The following SCAND3 variants were observed in gnomAD, a reference collection of about 807,000 sequenced individuals.
SCAND3 encodes the protein SCAN domain containing 3.
chr6:28,607,044 C>G, the SCAND3 span, among the ~76,000 whole-genome samples: 1 of 152,242 alleles, frequency 6.6e-6, no homozygotes, highest in Non-Finnish European at 1.5e-5. Flanking sequence ...CCCAGCCTAG[C>G]TGTTTCACAA....
chr6:28,599,153 A>G, the SCAND3 span, among the ~76,000 whole-genome samples: 1 of 152,226 alleles, frequency 6.6e-6, no homozygotes, highest in Non-Finnish European at 1.5e-5. Flanking sequence ...TGACTGAAGC[A>G]ATCAAAGAGA....
chr6:28,599,855 CAA>C, the SCAND3 span, among the ~76,000 whole-genome samples: 1 of 151,634 alleles, frequency 6.6e-6, no homozygotes, highest in African/African-American at 2.4e-5. Context: ...TTACCTTTGA[CAA>C]GAGAGCAAAG....
chr6:28,571,870 A>G, the SCAND3 span: 1 of 1,593,484 alleles, frequency 6.3e-7, no homozygotes, highest in Non-Finnish European at 8.5e-7. Flanking sequence ...GCTTATATGC[A>G]TACTTTGAAC....
chr6:28,610,128 G>A, the SCAND3 span, among the ~76,000 whole-genome samples: 6,203 of 152,232 alleles, frequency 0.041, 187 homozygotes, highest in Non-Finnish European at 0.063. Context: ...GGAGGCTGAG[G>A]TACAAGAATG....
chr6:28,602,553 C>T, the SCAND3 span, among the ~76,000 whole-genome samples: 7 of 152,218 alleles, frequency 4.6e-5, no homozygotes, highest in Non-Finnish European at 1.0e-4. Context: ...ATAATGACCT[C>T]TCTTTCTTCT....
the SCAND3 span, among the ~76,000 whole-genome samples, chr6:28,576,905 C>T: frequency 1.3e-4 from 10 of 78,144 alleles, no homozygotes; most frequent in African/African-American, 2.2e-4. Context: ...CCACCACACC[C>T]GGTCTCAGAC....
chr6:28,608,835 T>C, the SCAND3 span, among the ~76,000 whole-genome samples: 1 of 151,268 alleles, frequency 6.6e-6, no homozygotes, highest in African/African-American at 2.4e-5. Context: ...GATGTCTCTT[T>C]TAAATTAGCA....
chr6:28,573,559 T>G, the SCAND3 span: 1 of 1,613,356 alleles, frequency 6.2e-7, no homozygotes, highest in Non-Finnish European at 8.5e-7. Flanking sequence ...TAAATGTCGC[T>G]TAAGTTTTGA....
the SCAND3 span, among the ~76,000 whole-genome samples, chr6:28,598,529 G>A: frequency 6.6e-6 from 1 of 151,924 alleles, no homozygotes; most frequent in Admixed American, 6.6e-5. Flanking sequence ...TGGGTTAGAG[G>A]ACTAAAGATT....
the SCAND3 span, among the ~76,000 whole-genome samples, chr6:28,576,979 C>T: frequency 6.6e-6 from 1 of 151,932 alleles, no homozygotes; most frequent in Non-Finnish European, 1.5e-5. Flanking sequence ...CCACACTACA[C>T]ATTTTCTCTT....
At chr6:28,573,709 T>C in the SCAND3 span, 11 of 1,609,680 alleles carry the variant, frequency 6.8e-6, no homozygotes, top group East Asian at 2.5e-4. Flanking sequence ...ATGAACTCTT[T>C]TGGTTTTCCC....
chr6:28,596,751 T>C, the SCAND3 span, among the ~76,000 whole-genome samples: 5 of 152,204 alleles, frequency 3.3e-5, no homozygotes, highest in Non-Finnish European at 7.3e-5. Flanking sequence ...GAGTATATTT[T>C]TCAGCTTTGT....
chr6:28,606,859 G>A, the SCAND3 span, among the ~76,000 whole-genome samples: 3 of 152,162 alleles, frequency 2.0e-5, no homozygotes, highest in Admixed American at 6.5e-5. Context: ...CTTCAAACAC[G>A]TAGGTCTCAG....
the SCAND3 span, among the ~76,000 whole-genome samples, chr6:28,605,504 C>T: frequency 1.3e-5 from 2 of 151,876 alleles, no homozygotes; most frequent in South Asian, 2.1e-4. Context: ...CCTAGTCATG[C>T]GAAAGTATCA....
chr6:28,598,758 T>A, the SCAND3 span, among the ~76,000 whole-genome samples: 16 of 149,278 alleles, frequency 1.1e-4, no homozygotes, highest in Non-Finnish European at 3.0e-5. Context: ...GCACTTGTAA[T>A]CCCAGCTACT....
chr6:28,572,450 TTC>T, the SCAND3 span: 5 of 1,612,776 alleles, frequency 3.1e-6, no homozygotes, highest in Non-Finnish European at 1.7e-6. The surrounding 1 kb of genome is among the most constrained non-coding windows in gnomAD (Gnocchi z 4.1). Flanking sequence ...TCTGTAGAAA[TTC>T]TGTTTTTCCA....
At chr6:28,572,573 ACAAATAAG>A in the SCAND3 span, 1 of 1,614,106 alleles carries the variant, frequency 6.2e-7, no homozygotes. The surrounding 1 kb of genome is among the most constrained non-coding windows in gnomAD (Gnocchi z 4.1). Context: ...AAGATATCAG[ACAAATAAG>A]CAAGTCTGGC....
the SCAND3 span, chr6:28,597,662 C>T: frequency 6.8e-6 from 1 of 147,596 alleles, no homozygotes; most frequent in Non-Finnish European, 1.5e-5. Flanking sequence ...GTATTAAATA[C>T]GTAGATCCTT....
chr6:28,584,247 GGA>G, the SCAND3 span, among the ~76,000 whole-genome samples: 2 of 152,174 alleles, frequency 1.3e-5, no homozygotes, highest in African/African-American at 4.8e-5. Flanking sequence ...AGTTGTATTG[GGA>G]GGTAAAATGA....
Sources: allele counts gnomAD v4.1 joint callset (sites outside exome capture counted in the v4.1 genomes callset), GRCh38; gene constraint gnomAD v4.1.1; non-coding constraint Gnocchi (gnomAD v3.1); transcripts MANE v1.5; gene names NCBI Gene and HGNC (gene_info 2026-07-23, HGNC 2026-07-21).